FNBP4: variants seen among roughly 807,000 people sequenced by gnomAD.
The protein encoded by FNBP4 is formin binding protein 4, also known as formin-binding protein 4.
A neutral mutation model predicts 119.3 loss-of-function variants in FNBP4; 34 were observed. That is an observed-to-expected ratio of 0.28 (90% CI 0.22 to 0.38). The LOEUF (loss-of-function observed/expected upper bound fraction) is 0.38, where lower values mean the gene tolerates loss of function less well. Ranked by LOEUF, FNBP4 falls within the 10% of genes least tolerant of loss-of-function variation. The pLI, the probability that FNBP4 is intolerant of heterozygous loss-of-function variation, is 1.00. For missense variants in FNBP4, 1,112 were observed against 1,228.9 expected (o/e 0.90, Z 1.42); for synonymous variants, 462 against 430.6 (o/e 1.07, Z -0.90).
chr11:47,765,747 A>C (rs2097646405), intron 1 of FNBP4, among the ~76,000 whole-genome samples: 1 of 151,676 alleles, frequency 6.6e-6, no homozygotes, highest in Non-Finnish European at 1.5e-5. Context: ...CAGGAGGCAG[A>C]GGTTACTGCA....
At chr11:47,743,683 G>C (rs1599213681) in intron 8 of FNBP4, 2 of 437,800 alleles carry the variant, frequency 4.6e-6, no homozygotes, top group Non-Finnish European at 8.3e-6. Context: ...CACCCACACA[G>C]AGGCTGGGCA....
intron 9 of FNBP4, among the ~76,000 whole-genome samples, chr11:47,734,849 T>C (rs2097571780): frequency 6.6e-6 from 1 of 151,958 alleles, no homozygotes; most frequent in African/African-American, 2.4e-5. Context: ...GGTGCACACC[T>C]GTAGTCCCAG....
chr11:47,739,504 T>A (rs543981609), intron 8 of FNBP4, among the ~76,000 whole-genome samples: 175 of 152,282 alleles, frequency 1.1e-3, no homozygotes, highest in Admixed American at 3.0e-3. Context: ...ACACACCCCT[T>A]TGACCTGGCA....
At chr11:47,742,521 G>T (rs1599209894) in intron 8 of FNBP4, among the ~76,000 whole-genome samples, 1 of 140,950 alleles carries the variant, frequency 7.1e-6, no homozygotes. Context: ...ACGGGGTAGG[G>T]AATGAGAATA....
At position 47,765,523 on chromosome 11, in the gene FNBP4, G is replaced by A. The variant is rs537812992; in HGVS notation, c.221-161C>T. On this transcript the variant is annotated intron_variant, in intron 1 of 16. Coordinates refer to ENST00000263773, the MANE Select transcript of FNBP4 (RefSeq NM_015308.5). ...ATCAATTTTTTAAAAAGTGCATTTC[G>A]GATGGGTTCGCACCTGTAATCCCAG... Among the ~76,000 whole-genome samples the A allele has an allele frequency of 3.0e-5, 4 of 132,276 alleles. No individual in the cohort carries two copies. In the East Asian group the frequency reaches 7.5e-4, roughly 25 times the overall value. 86.8% of individuals were successfully genotyped at this position (132,276 alleles called of 152,430 possible).
chr11:47,732,747 C>T lies in FNBP4; in HGVS notation c.1687-77G>A. ...CACAGGCAAAGGGGATATAAACCTT[C>T]TGCTCCAAGACTATATCCCTGTGCT... On this transcript the variant is annotated intron_variant, in intron 10 of 16. Transcript: ENST00000263773. This position sits in a 1 kb window ranked among gnomAD's most constrained non-coding sequence, Gnocchi z 4.2. 1.5e-6 allele frequency: 2 copies of T among 1,376,688 alleles called. No individual in the cohort carries two copies. The highest frequency in any genetic ancestry group is 1.2e-5 in the South Asian group (1 of 83,844). 85.3% of individuals were successfully genotyped at this position (1,376,688 alleles called of 1,614,324 possible). A position where few individuals can be genotyped will look rare whatever the true frequency, so the allele number is the denominator to read the frequency against.
At chr11:47,752,803 G>A in intron 4 of FNBP4, 113 bp downstream of exon 4, 2 of 1,020,384 alleles carry the variant, frequency 2.0e-6, no homozygotes, top group Non-Finnish European at 2.9e-6. Context: ...GACAGAGCGA[G>A]ATTCCATCTC....
Position 47,723,015 on chromosome 11 carries a change from C to A in FNBP4, c.2766G>T (p.Met922Ile). 6.4e-7 allele frequency: 1 copy of A among 1,563,022 alleles called. No homozygotes were observed. Residue 922 changes from methionine to isoleucine, a missense_variant, in exon 15 of 17, where the codon ATG becomes ATT. This residue lies in a region of FNBP4 where 826 missense variants were observed against 988.8 expected (regional missense o/e 0.84). Transcript: ENST00000263773. ...CTTTTTTTGTCTTTTCAGGTGGTGG[C>A]ATTTTGGGAGCTGGTGGTGGTGGAG... ...PPPPPPPAPK[M>I]PPPEKTKKGR...
chr11:47,758,920 ATTT>A (rs576200543), intron 2 of FNBP4, among the ~76,000 whole-genome samples: 9 of 141,150 alleles, frequency 6.4e-5, no homozygotes, highest in Non-Finnish European at 1.2e-4. Flanking sequence ...AGTGTCTCTA[ATTT>A]TTTTTTTTTT....
intron 12 of FNBP4, chr11:47,725,393 T>TA (rs1216371037): frequency 6.6e-6 from 1 of 152,244 alleles, no homozygotes; most frequent in African/African-American, 2.4e-5. Context: ...TTACTAAATT[T>TA]AAAAAATCCA....
intron 2 of FNBP4, among the ~76,000 whole-genome samples, chr11:47,762,478 G>C (rs1317229215): frequency 6.6e-6 from 1 of 151,798 alleles, no homozygotes; most frequent in African/African-American, 2.4e-5. Context: ...ACCTAGACTG[G>C]GTTGCAGTGG....
chr11:47,765,976 G>A (rs562197513), intron 1 of FNBP4, among the ~76,000 whole-genome samples: 1 of 149,674 alleles, frequency 6.7e-6, no homozygotes, highest in East Asian at 2.0e-4. Context: ...ATGAGTCACC[G>A]TGCCCTGGAG....
chr11:47,721,437 T>TA (rs1412700952), intron 15 of FNBP4, among the ~76,000 whole-genome samples: 1 of 151,496 alleles, frequency 6.6e-6, no homozygotes, highest in Non-Finnish European at 1.5e-5. Flanking sequence ...ACTAAAAATA[T>TA]AAAAAATACA....
intron 8 of FNBP4, among the ~76,000 whole-genome samples, chr11:47,740,798 G>A (rs1317997534): frequency 6.6e-6 from 1 of 151,478 alleles, no homozygotes; most frequent in East Asian, 1.9e-4. Flanking sequence ...CACCATGTTG[G>A]CCAAGATGGT....
intron 6 of FNBP4, among the ~76,000 whole-genome samples, chr11:47,748,790 C>T (rs1025847648): frequency 2.0e-5 from 3 of 151,898 alleles, no homozygotes; most frequent in African/African-American, 7.3e-5. Context: ...GCTGGGACTA[C>T]AAGCATGTGC....
chr11:47,727,500 C>G (rs1250939606), intron 12 of FNBP4, among the ~76,000 whole-genome samples: 3 of 152,168 alleles, frequency 2.0e-5, no homozygotes, highest in Non-Finnish European at 4.4e-5. Flanking sequence ...ATCTGTGTGC[C>G]TTGGCCTCCC....
chr11:47,721,690 C>T (rs2097555815), intron 15 of FNBP4, among the ~76,000 whole-genome samples: 1 of 151,888 alleles, frequency 6.6e-6, no homozygotes, highest in Non-Finnish European at 1.5e-5. Context: ...CCTTCATTGT[C>T]TAAATCGTCT....
At chr11:47,743,896 A>G in intron 8 of FNBP4, 57 bp downstream of exon 8, 4 of 1,471,180 alleles carry the variant, frequency 2.7e-6, no homozygotes, top group African/African-American at 2.8e-5. Context: ...AAAAGACAAG[A>G]GTTTCCTTCC....
chr11:47,717,238 C>G lies in FNBP4; in HGVS notation c.*184G>C, dbSNP rs2135052877. The G allele has an allele frequency of 3.6e-6, 2 of 561,928 alleles. No individual in the cohort carries two copies. The highest frequency in any genetic ancestry group is 9.6e-4 in the Middle Eastern group (2 of 2,094). 34.8% of individuals were successfully genotyped at this position (561,928 alleles called of 1,614,324 possible). On this transcript the variant is annotated 3_prime_UTR_variant, in exon 17 of 17. Transcript: ENST00000263773. ...CAAAGCAATTCCAATCACCTCATCC[C>G]TTTGCAAAAACAGAAAAATTACATT...
Sources: gnomAD v4.1 joint callset for allele counts (sites outside exome capture counted in the v4.1 genomes callset) on GRCh38, gnomAD v4.1.1 for gene constraint, gnomAD v4.1.1 regional missense constraint, Gnocchi (gnomAD v3.1) non-coding constraint, MANE v1.5 for transcripts, NCBI Gene and HGNC (gene_info 2026-07-23, HGNC 2026-07-21) for gene names.